ANTXR1: variants seen among roughly 807,000 people sequenced by gnomAD.
The protein encoded by ANTXR1 is anthrax toxin receptor 1.
ANTXR1 carries 19 observed loss-of-function variants against 78.1 expected under a neutral mutation model. The ratio of observed to expected loss-of-function variants is 0.24; its 90% confidence interval spans 0.17 to 0.36. The LOEUF (loss-of-function observed/expected upper bound fraction) is 0.36. Among genes scored for constraint, ANTXR1 ranks in the 10% least tolerant of loss-of-function variants. The probability of loss-of-function intolerance (pLI) is 1.00; values close to 1 mark genes in which losing one functional copy is unlikely to be tolerated. For missense variants in ANTXR1, 518 were observed against 718.6 expected (o/e 0.72, Z 3.19); for synonymous variants, 273 against 260.5 (o/e 1.05, Z -0.46).
At chr2:69,079,876 CTT>C (rs1225769314) in intron 8 of ANTXR1, among the ~76,000 whole-genome samples, 2 of 152,176 alleles carry the variant, frequency 1.3e-5, no homozygotes, top group Non-Finnish European at 2.9e-5. Context: ...TGATTGGACT[CTT>C]TTTGTATGCA....
At position 69,246,299 on chromosome 2, in the gene ANTXR1, A is replaced by G. The variant is rs1676022137; in HGVS notation, c.*814A>G. ...AGACATGGACCCTAAATCAACAGAC[A>G]ATGGCATTGTCGAAGAGCAACCTGT... On this transcript the variant is annotated 3_prime_UTR_variant, in exon 18 of 18. Transcript: ENST00000303714. 1 of 152,216 alleles carries G rather than the reference A, an allele frequency of 6.6e-6. No individual in the cohort carries two copies. The highest frequency in any genetic ancestry group is 6.5e-5 in the Admixed American group (1 of 15,284). The allele number at this position is 152,216 out of a possible 1,614,324, so 9.4% of individuals were successfully genotyped here.
intron 17 of ANTXR1, among the ~76,000 whole-genome samples, chr2:69,228,381 T>C (rs1307404390): frequency 6.6e-6 from 1 of 152,186 alleles, no homozygotes; most frequent in East Asian, 1.9e-4. Flanking sequence ...CCAACTCTTT[T>C]CATGGCTATG....
chr2:69,231,935 A>T (rs1395735973), intron 17 of ANTXR1, among the ~76,000 whole-genome samples: 1 of 152,122 alleles, frequency 6.6e-6, no homozygotes, highest in Non-Finnish European at 1.5e-5. Context: ...GCCACAGCAC[A>T]TGTGTACTAC....
chr2:69,109,235 G>A (rs1222492357), intron 10 of ANTXR1, among the ~76,000 whole-genome samples: 1 of 152,134 alleles, frequency 6.6e-6, no homozygotes, highest in Non-Finnish European at 1.5e-5. Context: ...GTTGGCTGCT[G>A]GTACTACCAT....
At chr2:69,122,208 C>A (rs1672370013) in intron 10 of ANTXR1, among the ~76,000 whole-genome samples, 1 of 152,182 alleles carries the variant, frequency 6.6e-6, no homozygotes, top group African/African-American at 2.4e-5. Flanking sequence ...TCATGCCATT[C>A]CTCCAACCAA....
chr2:69,145,111 G>C (rs1673184972), intron 12 of ANTXR1, among the ~76,000 whole-genome samples: 1 of 152,198 alleles, frequency 6.6e-6, no homozygotes. Flanking sequence ...AAACAGGCTG[G>C]AAACGGAAGC....
intron 17 of ANTXR1, among the ~76,000 whole-genome samples, chr2:69,207,811 G>C (rs1674944937): frequency 6.6e-6 from 1 of 152,142 alleles, no homozygotes; most frequent in African/African-American, 2.4e-5. Context: ...ATAAAGATAT[G>C]CTGACAATTT....
intron 12 of ANTXR1, among the ~76,000 whole-genome samples, chr2:69,129,476 G>A (rs750084606): frequency 2.6e-5 from 4 of 152,098 alleles, no homozygotes; most frequent in African/African-American, 7.2e-5. Context: ...ATAATAGGCC[G>A]GGCGTGGTGT....
intron 17 of ANTXR1, among the ~76,000 whole-genome samples, chr2:69,237,099 G>A (rs1214375686): frequency 6.6e-6 from 1 of 152,046 alleles, no homozygotes; most frequent in Non-Finnish European, 1.5e-5. Flanking sequence ...ATTTACACAT[G>A]TCCCACTAAA....
chr2:69,047,476 GT>G (rs1366164102), intron 3 of ANTXR1, among the ~76,000 whole-genome samples: 1 of 152,054 alleles, frequency 6.6e-6, no homozygotes, highest in African/African-American at 2.4e-5. Flanking sequence ...GGAATGTGTC[GT>G]TTTTCTCTGT....
Position 69,119,485 on chromosome 2 carries a change from C to G in ANTXR1, c.803-3532C>G, listed in dbSNP as rs1165956684. Among the ~76,000 whole-genome samples the G allele has an allele frequency of 2.0e-5, 3 of 152,214 alleles. No individual in the cohort carries two copies. In the East Asian group the frequency reaches 5.8e-4, roughly 29 times the overall value. On this transcript the variant is annotated intron_variant, in intron 10 of 17. Coordinates refer to ENST00000303714, the MANE Select transcript of ANTXR1 (RefSeq NM_032208.3). ...ATAGGTTCGAGTCAGCCACGCCTGTCCCCAGTTCAGTTTATTCTCTAATAC... is the reference window on the plus strand; with the variant it reads ...ATAGGTTCGAGTCAGCCACGCCTGTGCCCAGTTCAGTTTATTCTCTAATAC...
chr2:69,077,302 G>T, intron 7 of ANTXR1, 106 bp from the exon 8 acceptor site: 1 of 1,215,588 alleles, frequency 8.2e-7, no homozygotes. Flanking sequence ...TATTCCCCTG[G>T]GTTCTGAATA....
At chr2:69,096,352 G>A (rs1260948098) in intron 9 of ANTXR1, among the ~76,000 whole-genome samples, 8 of 23,884 alleles carry the variant, frequency 3.3e-4, no homozygotes, top group African/African-American at 2.2e-3. Context: ...AAGGGAGGAA[G>A]GGAGGAAGGG....
intron 8 of ANTXR1, among the ~76,000 whole-genome samples, chr2:69,086,398 T>G (rs1467345531): frequency 6.6e-6 from 1 of 152,256 alleles, no homozygotes; most frequent in Admixed American, 6.5e-5. Context: ...AAACAGCTCC[T>G]GTAACTTGGC....
At chr2:69,109,445 G>A (rs957498279) in intron 10 of ANTXR1, among the ~76,000 whole-genome samples, 5 of 152,162 alleles carry the variant, frequency 3.3e-5, no homozygotes, top group South Asian at 4.1e-4. Flanking sequence ...CGCCCTGGCC[G>A]ATTTTAAGAT....
chr2:69,098,954 C>G (rs539539520), intron 9 of ANTXR1, among the ~76,000 whole-genome samples: 1 of 148,212 alleles, frequency 6.7e-6, no homozygotes, highest in Admixed American at 6.9e-5. Flanking sequence ...TCACTGCACT[C>G]CAGCCTAGGT....
chr2:69,233,746 A>T (rs187863147), intron 17 of ANTXR1, among the ~76,000 whole-genome samples: 2 of 151,936 alleles, frequency 1.3e-5, no homozygotes, highest in East Asian at 3.8e-4. Flanking sequence ...GAATAAGATA[A>T]GGACACCTGA....
intron 14 of ANTXR1, chr2:69,172,521 A>G: frequency 7.7e-6 from 11 of 1,429,574 alleles, no homozygotes; most frequent in African/African-American, 2.9e-5. Context: ...TTCAAATCCC[A>G]GTGTCTAACA....
At chr2:69,116,015 G>A (rs189139391) in intron 10 of ANTXR1, among the ~76,000 whole-genome samples, 3 of 152,260 alleles carry the variant, frequency 2.0e-5, no homozygotes, top group East Asian at 1.9e-4. Flanking sequence ...ATTCCCATTC[G>A]GCTTTGAATC....
Sources: gnomAD v4.1 joint callset for allele counts (sites outside exome capture counted in the v4.1 genomes callset) on GRCh38, gnomAD v4.1.1 for gene constraint, MANE v1.5 for transcripts, NCBI Gene and HGNC (gene_info 2026-07-23, HGNC 2026-07-21) for gene names.